The following DNAH10 variants were observed in gnomAD, a reference collection of about 807,000 sequenced individuals.
DNAH10 encodes the protein dynein axonemal heavy chain 10, also known as axonemal beta dynein heavy chain 10.
Under a neutral mutation model 506.6 loss-of-function variants are expected in DNAH10, and 348 were observed. The observed-to-expected ratio is 0.69, with a 90% CI of 0.63 to 0.75. DNAH10 has a LOEUF of 0.75. Among genes scored for constraint, DNAH10 ranks in the 30% least tolerant of loss-of-function variants. DNAH10 has a pLI of 0.00. For synonymous variants in DNAH10, 2,059 were observed against 2,198.6 expected, an observed-to-expected ratio of 0.94 and a Z score of 1.78; for missense variants, 5,179 against 5,787.1, an observed-to-expected ratio of 0.89 and a Z score of 3.41.
intron 41 of DNAH10, 40 bp downstream of exon 41, chr12:123,866,113 T>C: frequency 6.6e-7 from 1 of 1,524,222 alleles, no homozygotes; most frequent in Non-Finnish European, 8.8e-7. Flanking sequence ...TTTATTAGTA[T>C]TGATGGCTAG....
rs375392240 is a variant in DNAH10 at position 123,877,871 on chromosome 12, C to T, written c.8335C>T (p.Arg2779Trp). Residue 2779 changes from arginine to tryptophan, a missense_variant, in exon 48 of 79, where the codon CGG (arginine) becomes TGG (tryptophan). Coordinates refer to ENST00000673944, the MANE Select transcript of DNAH10 (RefSeq NM_001372106.1). ...HYIFNLRDLS[R>W]VFNGLVLTNP... is the part of the protein sequence containing the mutation. ...CATCTTCAACCTTCGAGATCTCTCA[C>T]GGGTTTTTAATGGTCTTGTCCTCAC... 1.5e-5 allele frequency: 25 copies of T among 1,614,018 alleles called. No homozygotes were observed. Among genetic ancestry groups the T allele is most frequent in the Middle Eastern group, 1.6e-4 (1 of 6,062 alleles).
intron 5 of DNAH10, among the ~76,000 whole-genome samples, chr12:123,774,942 G>A (rs1957385515): frequency 6.6e-6 from 1 of 152,178 alleles, no homozygotes; most frequent in East Asian, 1.9e-4. Context: ...CTGCTCTCCA[G>A]GAGCTTATGT....
chr12:123,864,568 T>C (rs1951730750), intron 39 of DNAH10, 27 bp from the exon 40 acceptor site: 2 of 1,612,282 alleles, frequency 1.2e-6, no homozygotes, highest in East Asian at 4.5e-5. Flanking sequence ...CTAGGACCCA[T>C]GGCTCTCCTT....
intron 44 of DNAH10, among the ~76,000 whole-genome samples, chr12:123,870,837 G>A (rs1485188508): frequency 2.0e-5 from 3 of 152,212 alleles, no homozygotes; most frequent in African/African-American, 4.8e-5. Flanking sequence ...GGCAACGAAC[G>A]AGGCAGTGTT....
At position 123,883,737 on chromosome 12, in the gene DNAH10, A is replaced by G. The variant is rs575765331; in HGVS notation, c.8823+1924A>G. 3.3e-5 allele frequency among the ~76,000 whole-genome samples: 5 copies of G among 152,266 alleles called. 1 individual carries two copies. The highest frequency in any genetic ancestry group is 1.2e-4 in the African/African-American group (5 of 41,560). ...TACAAATGATCTTTATTTTCTTTAG[A>G]CGTTTCTGCATTGCTTGAATTGTTG... On this transcript the variant is annotated intron_variant, in intron 51 of 78. Transcript: ENST00000673944.
intron 44 of DNAH10, 61 bp from the exon 45 acceptor site, chr12:123,871,396 G>T: frequency 1.3e-6 from 2 of 1,545,142 alleles, no homozygotes; most frequent in South Asian, 1.2e-5. Context: ...ACTCCATGTT[G>T]CCCCCAGTGC....
intron 11 of DNAH10, among the ~76,000 whole-genome samples, chr12:123,792,342 A>G (rs1393826754): frequency 1.3e-5 from 2 of 152,224 alleles, no homozygotes; most frequent in Non-Finnish European, 2.9e-5. Flanking sequence ...CCTATCAACA[A>G]TAGCCTCTAA....
At position 123,857,231 on chromosome 12, in the gene DNAH10, C is replaced by T. The variant is rs199575194; in HGVS notation, c.6614C>T (p.Ala2205Val). ...CAGGTCCTGGAGGAGAACGGCTACG[C>T]GGTCCTACCCATCCAGGTAAAGCCA... Reference protein sequence around the residue: ...VEQVLEENGYAVLPIQVDKVV... With the variant: ...VEQVLEENGYVVLPIQVDKVV... Residue 2205 changes from alanine to valine, a missense_variant, in exon 37 of 79, where the codon GCG becomes GTG. Physicochemically the swap from Ala to Val is moderately conservative, Grantham distance 64. Around this residue, in one of 3 missense-constraint regions of DNAH10, gnomAD observed 4,844 missense variants for 5,430.5 expected, o/e 0.89. Transcript: ENST00000673944. 1,018 of 1,565,990 alleles carry T rather than the reference C, an allele frequency of 6.5e-4. 1 individual carries two copies. Among genetic ancestry groups the T allele is most frequent in the South Asian group, 7.8e-4 (66 of 84,364 alleles).
At chr12:123,923,689 C>G in intron 65 of DNAH10, 74 bp from the exon 66 acceptor site, 1 of 970,648 alleles carries the variant, frequency 1.0e-6, no homozygotes. Flanking sequence ...CGTTTAAGCA[C>G]AGTGTGCATA....
At chr12:123,795,444 T>A (rs1958242670) in intron 12 of DNAH10, among the ~76,000 whole-genome samples, 1 of 152,118 alleles carries the variant, frequency 6.6e-6, no homozygotes, top group South Asian at 2.1e-4. Context: ...CTAGGGATGA[T>A]TCAGTGCTTT....
At chr12:123,933,004 C>T (rs1272428871) in intron 76 of DNAH10, among the ~76,000 whole-genome samples, 2 of 152,188 alleles carry the variant, frequency 1.3e-5, no homozygotes, top group Non-Finnish European at 2.9e-5. Flanking sequence ...CACAGAAAAG[C>T]TTTACATTTT....
intron 18 of DNAH10, among the ~76,000 whole-genome samples, chr12:123,806,586 A>G (rs562418420): frequency 1.3e-5 from 2 of 152,316 alleles, no homozygotes; most frequent in South Asian, 2.1e-4. Flanking sequence ...AAAATAAAAC[A>G]AAAACCTTTG....
In DNAH10 at chr12:123,928,737, A is replaced by C; in HGVS notation, c.12306+150A>C. 1.1e-6 allele frequency: 1 copy of C among 887,704 alleles called. No homozygotes were observed. The highest frequency in any genetic ancestry group is 1.7e-6 in the Non-Finnish European group (1 of 599,684). 55.0% of individuals were successfully genotyped at this position (887,704 alleles called of 1,614,324 possible). A position where few individuals can be genotyped will look rare whatever the true frequency, so the allele number is the denominator to read the frequency against. On this transcript the variant is annotated intron_variant, in intron 70 of 78. Transcript: ENST00000673944. The surrounding 1 kb of genome is among the most constrained non-coding windows in gnomAD (Gnocchi z 4.9). ...TGCGGTTGAAACCCTTCTCAATCCC[A>C]CCTCTCTCTTTAGAGGGAGCCGCTG...
At chr12:123,843,295 G>C (rs1176360701) in intron 30 of DNAH10, among the ~76,000 whole-genome samples, 1 of 152,210 alleles carries the variant, frequency 6.6e-6, no homozygotes, top group African/African-American at 2.4e-5. Flanking sequence ...GCTGTATCTA[G>C]TCCCAGGAAG....
At chr12:123,934,389 C>G (rs1176130071) in intron 77 of DNAH10, 3 of 663,004 alleles carry the variant, frequency 4.5e-6, no homozygotes, top group Non-Finnish European at 5.4e-6. Flanking sequence ...CGCCCCACAC[C>G]CATTTCTCTG....
intron 36 of DNAH10, among the ~76,000 whole-genome samples, chr12:123,855,185 C>T (rs966620171): frequency 3.9e-5 from 6 of 152,170 alleles, no homozygotes; most frequent in Non-Finnish European, 8.8e-5. Flanking sequence ...ACTCCACATC[C>T]TGGAGGTAAT....
At chr12:123,766,908 CTT>C (rs374930458) in intron 1 of DNAH10, among the ~76,000 whole-genome samples, 14 of 137,880 alleles carry the variant, frequency 1.0e-4, no homozygotes, top group Non-Finnish European at 8.0e-5. Flanking sequence ...TTTCTTTTTT[CTT>C]TTTTTTTTTT....
rs371805293 is a variant in DNAH10 at position 123,928,373 on chromosome 12, C to T, written c.12106-14C>T. 2.7e-5 allele frequency: 43 copies of T among 1,573,942 alleles called. No homozygotes were observed. The Admixed American group carries it at 6.6e-4, about 24-fold the overall frequency. Reference sequence around the variant, plus strand: ...GATGCCAACCCCTCTCCTCTTCCCTCTCCCCCGGCGCAGGTGGCCCTGCAG... The same window carrying T: ...GATGCCAACCCCTCTCCTCTTCCCTTTCCCCCGGCGCAGGTGGCCCTGCAG... On this transcript the variant is annotated splice_polypyrimidine_tract_variant and intron_variant, in intron 69 of 78. Transcript: ENST00000673944. This position sits in a 1 kb window ranked among gnomAD's most constrained non-coding sequence, Gnocchi z 4.9.
intron 25 of DNAH10, among the ~76,000 whole-genome samples, chr12:123,827,424 C>T (rs1960106232): frequency 6.6e-6 from 1 of 152,212 alleles, no homozygotes; most frequent in South Asian, 2.1e-4. Flanking sequence ...TATCTATAGC[C>T]TATTTCAACC....
Sources: allele counts gnomAD v4.1 joint callset (sites outside exome capture counted in the v4.1 genomes callset), GRCh38; gene constraint gnomAD v4.1.1; regional missense constraint gnomAD v4.1.1; non-coding constraint Gnocchi (gnomAD v3.1); transcripts MANE v1.5; gene names NCBI Gene and HGNC (gene_info 2026-07-23, HGNC 2026-07-21).